Variants in BPIFB4 observed in about 807,000 individuals in gnomAD.
BPIFB4 encodes BPI fold containing family B member 4, also known as BPI fold-containing family B member 4.
In BPIFB4, 62 loss-of-function variants were observed where a neutral mutation model predicts 69.2. The observed-to-expected ratio is 0.90, with a 90% CI of 0.73 to 1.11. The LOEUF is 1.11. Among genes scored for constraint, BPIFB4 ranks in the 50% least tolerant of loss-of-function variants. The pLI is 0.00. For synonymous variants in BPIFB4, 330 were observed against 332.7 expected (o/e 0.99, Z 0.09); for missense variants, 789 against 792.0 (o/e 1.00, Z 0.04).
In BPIFB4 at chr20:33,080,539, A is replaced by G. The variant is rs553666278; in HGVS notation, c.-53A>G. ...ATTGAGTGTCTACTATGTATGAGAT[A>G]CAACTTGTTTGTGATTTGGGAGCAG... On this transcript the variant is annotated 5_prime_UTR_variant, in exon 2 of 18. It adds an upstream start codon to the 5' untranslated region. Coordinates refer to ENST00000375483, the MANE Select transcript of BPIFB4 (RefSeq NM_182519.3). 9 of 152,386 alleles carry G rather than the reference A, an allele frequency of 5.9e-5. No individual in the cohort carries two copies. The East Asian group carries it at 1.7e-3, about 29-fold the overall frequency. The allele number at this position is 152,386 out of a possible 1,614,324, so 9.4% of individuals were successfully genotyped here.
rs374514083 is a variant in BPIFB4 at position 33,100,400 on chromosome 20, G to A, written c.1570-26G>A. ...CTGGCCAAGACATGAAGGCAGTGAC[G>A]TCTTTCTCCTTTCCTTTCCCTCCAG... On this transcript the variant is annotated intron_variant, in intron 13 of 17. Transcript: ENST00000375483. 147 of 1,559,590 alleles carry A rather than the reference G, an allele frequency of 9.4e-5. 1 individual carries two copies. Among genetic ancestry groups the A allele is most frequent in the Non-Finnish European group, 1.2e-4 (140 of 1,131,538 alleles).
intron 12 of BPIFB4, among the ~76,000 whole-genome samples, chr20:33,097,273 G>T (rs1216704418): frequency 6.6e-6 from 1 of 152,184 alleles, no homozygotes; most frequent in African/African-American, 2.4e-5. Flanking sequence ...ATGGGTTGTT[G>T]TAATGACTGA....
At chr20:33,095,259 C>T in intron 12 of BPIFB4, 106 bp downstream of exon 12, 2 of 1,229,822 alleles carry the variant, frequency 1.6e-6, no homozygotes, top group Non-Finnish European at 2.4e-6. Flanking sequence ...GGTGCTCTCC[C>T]CCGAACCCCT....
chr20:33,102,830 C>A lies in BPIFB4; in HGVS notation c.1638-142C>A, dbSNP rs1981942141. ...TAGTTAGCGCTCAGCATGTGAGAGCCAGCATTGTTCTTATTAAATCCCTGC... is the reference window on the plus strand; with the variant it reads ...TAGTTAGCGCTCAGCATGTGAGAGCAAGCATTGTTCTTATTAAATCCCTGC... On this transcript the variant is annotated intron_variant, in intron 14 of 17. Coordinates refer to ENST00000375483, the MANE Select transcript of BPIFB4 (RefSeq NM_182519.3). 7.1e-6 allele frequency: 6 copies of A among 847,744 alleles called. No homozygotes were observed. In the South Asian group the frequency reaches 9.1e-5, roughly 13 times the overall value. The allele number at this position is 847,744 out of a possible 1,614,324, so 52.5% of individuals were successfully genotyped here.
intron 8 of BPIFB4, 59 bp downstream of exon 8, chr20:33,089,088 CA>C: frequency 6.2e-7 from 1 of 1,611,008 alleles, no homozygotes; most frequent in Non-Finnish European, 8.5e-7. Flanking sequence ...ACTGAGGGGC[CA>C]TAGTCCAGCC....
chr20:33,108,537 A>C (rs1451027928), intron 17 of BPIFB4, among the ~76,000 whole-genome samples: 1 of 150,746 alleles, frequency 6.6e-6, no homozygotes, highest in African/African-American at 2.4e-5. Context: ...TGCTCAGGGA[A>C]TCAGTAGAGC....
At chr20:33,092,390 T>C in intron 10 of BPIFB4, 68 bp from the exon 11 acceptor site, 1 of 1,439,002 alleles carries the variant, frequency 6.9e-7, no homozygotes, top group East Asian at 2.5e-5. Context: ...AGGGCCTCAC[T>C]CCAGCCTTCA....
At position 33,111,411 on chromosome 20, in the gene BPIFB4, A is replaced by G. The variant is rs780392257; in HGVS notation, c.1822-3A>G. ...CACCGGCTACTCTGTTCTGCCATCC[A>G]AGGACCTTTTGGTGCTGAGCGCATG... On this transcript the variant is annotated splice_region_variant and splice_polypyrimidine_tract_variant and intron_variant, in intron 17 of 17. Coordinates refer to ENST00000375483, the MANE Select transcript of BPIFB4 (RefSeq NM_182519.3). The G allele has an allele frequency of 1.2e-6, 2 of 1,613,950 alleles. No homozygotes were observed. The highest frequency in any genetic ancestry group is 2.2e-5 in the East Asian group (1 of 44,872).
rs143302622 is a variant in BPIFB4 at position 33,086,069 on chromosome 20, G to T, written c.831G>T (p.Lys277Asn). The part of the protein sequence containing the change: ...DIAVEVNITA[K>N]VRLTMDRTGY... ...CAGTAGAAGTGAACATCACAGCCAA[G>T]GTCCGGCTGACCATGGACCGCACGG... is the stretch of plus-strand genomic sequence containing the variant. The change falls in exon 7 of 18, where the codon AAG becomes AAT. Residue 277 changes from lysine (K) to asparagine (N), a missense_variant. By Grantham distance (94) the Lys-to-Asn change is moderately conservative. This residue lies in a region of BPIFB4 where 611 missense variants were observed against 575.4 expected (regional missense o/e 1.06). Coordinates refer to ENST00000375483, the MANE Select transcript of BPIFB4 (RefSeq NM_182519.3). The T allele has an allele frequency of 6.2e-7, 1 of 1,613,134 alleles. No homozygotes were observed. Among genetic ancestry groups the T allele is most frequent in the Non-Finnish European group, 8.5e-7 (1 of 1,179,288 alleles).
intron 10 of BPIFB4, among the ~76,000 whole-genome samples, chr20:33,091,973 G>A (rs1423018625): frequency 6.6e-6 from 1 of 152,110 alleles, no homozygotes; most frequent in Non-Finnish European, 1.5e-5. Context: ...GAAGAATGTG[G>A]GGAAGGGAAT....
chr20:33,089,086 G>T (rs1431126837), intron 8 of BPIFB4, 57 bp downstream of exon 8: 13 of 1,611,890 alleles, frequency 8.1e-6, no homozygotes, highest in South Asian at 6.6e-5. Flanking sequence ...AGACTGAGGG[G>T]CCATAGTCCA....
chr20:33,093,081 T>C (rs1278526600), intron 11 of BPIFB4, among the ~76,000 whole-genome samples: 1 of 152,250 alleles, frequency 6.6e-6, no homozygotes, highest in East Asian at 1.9e-4. Flanking sequence ...CCAAACTTTT[T>C]CTTTTGAAAA....
chr20:33,083,646 G>C lies in BPIFB4; in HGVS notation c.449G>C (p.Arg150Pro). 2 of 1,614,106 alleles carry C rather than the reference G, an allele frequency of 1.2e-6. No individual in the cohort carries two copies. Among genetic ancestry groups the C allele is most frequent in the Non-Finnish European group, 1.7e-6 (2 of 1,180,010 alleles). ...GCACCTGTGGGCAGGCTTCACCGGC[G>C]AGAGCTGCAGCCTGGAGAAATCCCA... ...RAAPVGRLHRRELQPGEIPPG... is the reference protein window; with the variant it reads ...RAAPVGRLHRPELQPGEIPPG... Residue 150 changes from arginine to proline, a missense_variant, in exon 5 of 18, where the codon CGA becomes CCA. Coordinates refer to ENST00000375483, the MANE Select transcript of BPIFB4 (RefSeq NM_182519.3).
rs548550615 is a variant in BPIFB4 at position 33,095,556 on chromosome 20, C to T, written c.1398+403C>T. ...GATGATGCATGTAAAGGTGTCAACG[C>T]GGGCCAGGCACACTCGGGTGCACAG... On this transcript the variant is annotated intron_variant, in intron 12 of 17. Transcript: ENST00000375483. Among the ~76,000 whole-genome samples, 459 of 152,230 alleles carry T rather than the reference C, an allele frequency of 3.0e-3. 2 individuals are homozygous for T. Among genetic ancestry groups the T allele is most frequent in the Non-Finnish European group, 4.8e-3 (325 of 68,010 alleles).
At chr20:33,099,445 C>G (rs1361700935) in intron 13 of BPIFB4, among the ~76,000 whole-genome samples, 2 of 152,204 alleles carry the variant, frequency 1.3e-5, no homozygotes, top group East Asian at 1.9e-4. Flanking sequence ...TGTGAGCCAG[C>G]CCAGCACCCT....
chr20:33,081,778 C>T, intron 3 of BPIFB4, 146 bp downstream of exon 3: 1 of 1,433,278 alleles, frequency 7.0e-7, no homozygotes, highest in Non-Finnish European at 9.1e-7. Context: ...TTAGTTTCTC[C>T]TTTTTCTTTT....
chr20:33,089,656 T>G, intron 9 of BPIFB4, 98 bp downstream of exon 9: 2 of 1,584,510 alleles, frequency 1.3e-6, no homozygotes, highest in Non-Finnish European at 1.7e-6. Context: ...AGACCTGCCC[T>G]TAGGCCCTTG....
chr20:33,108,282 GC>G (rs1432742934), intron 17 of BPIFB4, among the ~76,000 whole-genome samples: 1 of 151,864 alleles, frequency 6.6e-6, no homozygotes, highest in Non-Finnish European at 1.5e-5. Flanking sequence ...GAAGTAATTG[GC>G]TAATTATAAT....
At position 33,081,601 on chromosome 20, in the gene BPIFB4, C is replaced by T. The variant is rs767485471; in HGVS notation, c.75C>T (p.Val25=). 14 of 1,551,600 alleles carry T rather than the reference C, an allele frequency of 9.0e-6. No individual in the cohort carries two copies. The South Asian group carries it at 1.5e-4, about 17-fold the overall frequency. Residue 25 remains valine, a synonymous_variant, in exon 3 of 18, where the codon GTC becomes GTT. Coordinates refer to ENST00000375483, the MANE Select transcript of BPIFB4 (RefSeq NM_182519.3). ...VCGTSHETNT[V]LRVTKDVLSN... ...GCACCAGCCACGAGACAAACACGGT[C>T]CTCAGGGTGACGAAAGATGTGTTGA... is the stretch of plus-strand genomic sequence containing the variant.
Sources: allele counts gnomAD v4.1 joint callset (sites outside exome capture counted in the v4.1 genomes callset), GRCh38; gene constraint gnomAD v4.1.1; regional missense constraint gnomAD v4.1.1; transcripts MANE v1.5; gene names NCBI Gene and HGNC (gene_info 2026-07-23, HGNC 2026-07-21).